The following MINAR1 variants were observed in gnomAD, a reference collection of about 807,000 sequenced individuals.
MINAR1 encodes membrane integral NOTCH2 associated receptor 1.
MINAR1 carries 40 observed loss-of-function variants against 65.1 expected under a neutral mutation model. The observed-to-expected ratio is 0.61, with a 90% confidence interval of 0.48 to 0.80. The LOEUF is 0.80. MINAR1 is among the 30% of genes least tolerant of loss of function. MINAR1 has a pLI of 0.00. For synonymous variants in MINAR1, 482 were observed against 449.1 expected (o/e 1.07, Z -0.93); for missense variants, 1,128 against 1,148.0 (o/e 0.98, Z 0.25).
chr15:79,437,227 C>T (rs1894626156), intron 1 of MINAR1, among the ~76,000 whole-genome samples: 1 of 152,182 alleles, frequency 6.6e-6, no homozygotes, highest in Non-Finnish European at 1.5e-5. Context: ...CAAAAGGAGG[C>T]CTGTCTCAGC....
upstream of MINAR1, among the ~76,000 whole-genome samples, chr15:79,430,297 T>C (rs1019743294): frequency 1.3e-5 from 2 of 152,074 alleles, no homozygotes; most frequent in African/African-American, 2.4e-5. Context: ...TGGTTTTTCC[T>C]TCTAGAATGT....
chr15:79,411,620 C>T, the MINAR1 span: 3 of 643,868 alleles, frequency 4.7e-6, no homozygotes, highest in African/African-American at 5.4e-5. Flanking sequence ...CTCCTGGTCC[C>T]CAGTGACTCC....
chr15:79,468,172 TCTC>T lies in MINAR1; in HGVS notation c.2554-14_2554-12del. On this transcript the variant is annotated splice_polypyrimidine_tract_variant and intron_variant, in intron 3 of 3. Coordinates refer to ENST00000305428, the MANE Select transcript of MINAR1 (RefSeq NM_015206.3). ...AGTATTCACTGTATTTCTAACATCTTCTCTTCGCTTTTAGACGCAAGAATCTTT... is the reference window on the plus strand; with the variant it reads ...AGTATTCACTGTATTTCTAACATCTTTTCGCTTTTAGACGCAAGAATCTTT... 6.2e-7 allele frequency: 1 copy of T among 1,605,986 alleles called. No individual in the cohort carries two copies.
At chr15:79,463,353 G>T (rs1238951975) in intron 3 of MINAR1, 32 bp downstream of exon 3, 1 of 1,603,004 alleles carries the variant, frequency 6.2e-7, no homozygotes, top group Non-Finnish European at 8.5e-7. Flanking sequence ...GGTGGGGGAA[G>T]CCCAGCTGTG....
chr15:79,461,211 T>A (rs1895631070), intron 2 of MINAR1, among the ~76,000 whole-genome samples: 1 of 152,250 alleles, frequency 6.6e-6, no homozygotes, highest in Admixed American at 6.5e-5. Flanking sequence ...AAACTTTCCA[T>A]CTTAGAAGTG....
At chr15:79,412,975 T>A in the MINAR1 span, 1 of 152,112 alleles carries the variant, frequency 6.6e-6, no homozygotes, top group Admixed American at 6.5e-5. Flanking sequence ...TCCCTGAAAT[T>A]TTCCAGAAAT....
At chr15:79,450,616 G>A (rs964702936) in intron 1 of MINAR1, among the ~76,000 whole-genome samples, 1 of 152,032 alleles carries the variant, frequency 6.6e-6, no homozygotes, top group African/African-American at 2.4e-5. Context: ...CTAGAGAGAG[G>A]CAGTAAATCA....
chr15:79,452,875 C>T (rs1446240191), intron 1 of MINAR1, among the ~76,000 whole-genome samples: 1 of 147,658 alleles, frequency 6.8e-6, no homozygotes, highest in Non-Finnish European at 1.5e-5. Context: ...GAGTGTGAAG[C>T]TGTGTGAGTG....
At chr15:79,448,623 G>T (rs754333356) in intron 1 of MINAR1, among the ~76,000 whole-genome samples, 22 of 152,240 alleles carry the variant, frequency 1.4e-4, no homozygotes, top group Non-Finnish European at 3.1e-4. Flanking sequence ...AGAACATTGT[G>T]GCTGTTATAT....
chr15:79,444,097 G>A (rs899430797), intron 1 of MINAR1, among the ~76,000 whole-genome samples: 5 of 152,148 alleles, frequency 3.3e-5, no homozygotes, highest in East Asian at 1.9e-4. Flanking sequence ...GTTAAGGCCC[G>A]GGTTCACACA....
chr15:79,448,384 T>A (rs531176277), intron 1 of MINAR1, among the ~76,000 whole-genome samples: 2 of 152,206 alleles, frequency 1.3e-5, no homozygotes, highest in African/African-American at 4.8e-5. Context: ...CCCCTTAAGT[T>A]TGAAATTTTA....
At chr15:79,437,494 T>C (rs569807271) in intron 1 of MINAR1, among the ~76,000 whole-genome samples, 1 of 136,406 alleles carries the variant, frequency 7.3e-6, no homozygotes, top group African/African-American at 2.8e-5. Flanking sequence ...TAGGTGTGAG[T>C]GGGATAGGTT....
chr15:79,418,701 G>A, the MINAR1 span: 1 of 152,470 alleles, frequency 6.6e-6, no homozygotes, highest in Non-Finnish European at 1.5e-5. Context: ...AAAAGCTGGG[G>A]GCAGGAGGGA....
the MINAR1 span, chr15:79,417,695 C>T: frequency 6.6e-6 from 1 of 152,180 alleles, no homozygotes; most frequent in African/African-American, 2.4e-5. Flanking sequence ...GCAGTGTGGG[C>T]TCTTCGCTCT....
chr15:79,428,658 A>G (rs1328947470), upstream of MINAR1, among the ~76,000 whole-genome samples: 1 of 152,078 alleles, frequency 6.6e-6, no homozygotes, highest in Non-Finnish European at 1.5e-5. Flanking sequence ...CTCTTATTAC[A>G]CTTTTATAGA....
chr15:79,431,184 G>C (rs1894427007), upstream of MINAR1, among the ~76,000 whole-genome samples: 1 of 152,098 alleles, frequency 6.6e-6, no homozygotes, highest in Admixed American at 6.5e-5. Context: ...CAGGGAAGGA[G>C]GTGGGGTGGT....
At chr15:79,420,402 G>A in the MINAR1 span, 1 of 152,084 alleles carries the variant, frequency 6.6e-6, no homozygotes, top group Non-Finnish European at 1.5e-5. Context: ...CTTTTATACA[G>A]TAAAATAAGA....
intron 1 of MINAR1, among the ~76,000 whole-genome samples, chr15:79,454,272 C>T (rs1371247549): frequency 1.3e-5 from 2 of 152,166 alleles, no homozygotes; most frequent in Non-Finnish European, 2.9e-5. Flanking sequence ...TCCCTCCAGA[C>T]ATTCATGGGA....
At chr15:79,434,703 A>G (rs1447800419) in intron 1 of MINAR1, among the ~76,000 whole-genome samples, 2 of 152,234 alleles carry the variant, frequency 1.3e-5, no homozygotes, top group Non-Finnish European at 2.9e-5. Context: ...CCACTGACAG[A>G]CATTCAAATC....
Sources: gnomAD v4.1 joint callset for allele counts (sites outside exome capture counted in the v4.1 genomes callset) on GRCh38, gnomAD v4.1.1 for gene constraint, MANE v1.5 for transcripts, NCBI Gene and HGNC (gene_info 2026-07-23, HGNC 2026-07-21) for gene names.